CARNMT1: variants seen among roughly 807,000 people sequenced by gnomAD.
CARNMT1 encodes protein-L-histidine N-pros-methyltransferase CARNMT1.
Under a neutral mutation model 49.6 loss-of-function variants are expected in CARNMT1, and 28 were observed. The observed-to-expected ratio is 0.56, with a 90% CI of 0.42 to 0.77. The LOEUF is 0.77. Among genes scored for constraint, CARNMT1 ranks in the 30% least tolerant of loss-of-function variants. The pLI is 0.00. For synonymous variants in CARNMT1, 178 were observed against 175.0 expected (o/e 1.02, Z -0.13); for missense variants, 421 against 512.6 (o/e 0.82, Z 1.73).
At chr9:74,993,756 A>G (rs1833103227) in intron 6 of CARNMT1, among the ~76,000 whole-genome samples, 1 of 152,152 alleles carries the variant, frequency 6.6e-6, no homozygotes, top group Non-Finnish European at 1.5e-5. Flanking sequence ...ATCCTACACT[A>G]TACAGGTCAG....
chr9:75,028,064 T>TCTCCTC lies in CARNMT1; in HGVS notation c.172_177dup (p.Glu58_Glu59dup). On this transcript the variant is annotated inframe_insertion, in exon 1 of 8. Transcript: ENST00000376834. ...TTCCAGAAGTGCTCACGCTCAAGCC[T>TCTCCTC]CTCCTCCTCCTCCTCGGTGCTGCGC... 6.3e-7 allele frequency: 1 copy of TCTCCTC among 1,577,702 alleles called. No homozygotes were observed. Among genetic ancestry groups the TCTCCTC allele is most frequent in the Non-Finnish European group, 8.6e-7 (1 of 1,164,332 alleles).
intron 7 of CARNMT1, among the ~76,000 whole-genome samples, chr9:74,984,228 A>G (rs1374592847): frequency 6.6e-6 from 1 of 152,150 alleles, no homozygotes; most frequent in Non-Finnish European, 1.5e-5. Flanking sequence ...AGTAATGCAC[A>G]TGATTAAAAA....
intron 3 of CARNMT1, among the ~76,000 whole-genome samples, chr9:75,002,706 T>C (rs1414703242): frequency 6.6e-6 from 1 of 152,172 alleles, no homozygotes. Context: ...AAAGCAAATA[T>C]GGCAAAATGT....
intron 3 of CARNMT1, among the ~76,000 whole-genome samples, chr9:75,006,683 T>C (rs1202899857): frequency 6.6e-6 from 1 of 152,196 alleles, no homozygotes. Context: ...GAAAGGAGAC[T>C]ATATATCCCT....
intron 5 of CARNMT1, among the ~76,000 whole-genome samples, chr9:74,997,947 GA>G (rs1396260171): frequency 6.6e-6 from 1 of 151,970 alleles, no homozygotes; most frequent in Non-Finnish European, 1.5e-5. Context: ...TGATCTTGCT[GA>G]ACCCTCGGTA....
intron 7 of CARNMT1, 121 bp from the exon 8 acceptor site, chr9:74,983,989 A>G (rs1003892230): frequency 9.5e-6 from 5 of 524,386 alleles, no homozygotes; most frequent in Non-Finnish European, 1.3e-5. Context: ...TATTACATAC[A>G]ACTACCCCCA....
At position 75,008,569 on chromosome 9, in the gene CARNMT1, G is replaced by C. The variant is rs57715502; in HGVS notation, c.590+7699C>G. On this transcript the variant is annotated intron_variant, in intron 3 of 7. Transcript: ENST00000376834. ...GATCCACCTGCCTCGGCCCCCCAAA[G>C]TGCTGGGATTACAGGCATGAGCCAC... is the stretch of plus-strand genomic sequence containing the variant. 8.7e-3 allele frequency among the ~76,000 whole-genome samples: 1,322 copies of C among 152,228 alleles called. 21 individuals carry two copies. The highest frequency in any genetic ancestry group is 0.029 in the African/African-American group (1,207 of 41,538).
chr9:75,016,454 T>C, intron 2 of CARNMT1, 23 bp from the exon 3 acceptor site: 2 of 1,611,590 alleles, frequency 1.2e-6, no homozygotes, highest in Non-Finnish European at 1.7e-6. Flanking sequence ...CAGACATCAA[T>C]TAGCTTCTGA....
intron 5 of CARNMT1, among the ~76,000 whole-genome samples, chr9:74,997,015 T>C (rs1302853845): frequency 6.6e-6 from 1 of 152,092 alleles, no homozygotes; most frequent in Non-Finnish European, 1.5e-5. Flanking sequence ...CTTCAACATC[T>C]ACCACAACTT....
chr9:75,011,932 AGGTGAAAACACAGCCCG>A (rs1287340049), intron 3 of CARNMT1, among the ~76,000 whole-genome samples: 2 of 152,230 alleles, frequency 1.3e-5, no homozygotes, highest in Non-Finnish European at 2.9e-5. Context: ...TCAAGTCTCC[AGGTGAAAACACAGCCCG>A]GCAGACACGT....
chr9:74,987,986 A>G (rs1168959213), intron 6 of CARNMT1, among the ~76,000 whole-genome samples: 7 of 152,190 alleles, frequency 4.6e-5, no homozygotes, highest in Admixed American at 3.9e-4. Flanking sequence ...CACTGGATAT[A>G]TATGAAGATG....
intron 2 of CARNMT1, chr9:75,016,783 G>T: frequency 3.8e-6 from 1 of 265,182 alleles, no homozygotes. Context: ...GGCTCACACT[G>T]GAGTGGCCCA....
intron 1 of CARNMT1, among the ~76,000 whole-genome samples, chr9:75,026,229 A>T (rs1822524414): frequency 6.6e-6 from 1 of 152,218 alleles, no homozygotes; most frequent in Non-Finnish European, 1.5e-5. Context: ...CACAACCACT[A>T]GAATATTCAC....
At chr9:74,991,696 G>A (rs1210230437) in intron 6 of CARNMT1, 1 of 152,094 alleles carries the variant, frequency 6.6e-6, no homozygotes, top group Admixed American at 6.6e-5. Context: ...GATTATAGAG[G>A]AGTCAACTGT....
Position 74,999,797 on chromosome 9 carries a change from C to T in CARNMT1, c.664G>A (p.Gly222Ser), listed in dbSNP as rs1268485467. 6.2e-7 allele frequency: 1 copy of T among 1,612,504 alleles called. No individual in the cohort carries two copies. The highest frequency in any genetic ancestry group is 8.5e-7 in the Non-Finnish European group (1 of 1,179,202). The change falls in exon 4 of 8, where the codon GGT becomes AGT. Residue 222 changes from glycine to serine, a missense_variant. Coordinates refer to ENST00000376834, the MANE Select transcript of CARNMT1 (RefSeq NM_152420.3). The part of the protein sequence containing the change: ...GRLAWEIAML[G>S]YACQGNEWSF... ...CATTCATTTCCTTGACAAGCATAAC[C>T]TAGCATAGCTATTTCCCAGGCCAGT...
At position 75,016,254 on chromosome 9, in the gene CARNMT1, G is replaced by A. The variant is rs1833846068; in HGVS notation, c.590+14C>T. The A allele has an allele frequency of 6.3e-7, 1 of 1,587,298 alleles. No homozygotes were observed. Among genetic ancestry groups the A allele is most frequent in the Non-Finnish European group, 8.6e-7 (1 of 1,161,096 alleles). On this transcript the variant is annotated intron_variant, in intron 3 of 7. Coordinates refer to ENST00000376834, the MANE Select transcript of CARNMT1 (RefSeq NM_152420.3). ...ACACTTTAAAAACTTGGTTAAAAAT[G>A]AGGTACTATTTACCATCTCTCTTTT...
At chr9:75,005,864 AC>A (rs1833493607) in intron 3 of CARNMT1, among the ~76,000 whole-genome samples, 3 of 150,258 alleles carry the variant, frequency 2.0e-5, no homozygotes, top group Non-Finnish European at 2.9e-5. Context: ...ACACACACAC[AC>A]ACACACACAA....
At chr9:75,004,250 C>G (rs1833441646) in intron 3 of CARNMT1, among the ~76,000 whole-genome samples, 1 of 152,244 alleles carries the variant, frequency 6.6e-6, no homozygotes, top group Non-Finnish European at 1.5e-5. Flanking sequence ...CTTCCACCAG[C>G]AACATATTTA....
chr9:74,995,560 A>T (rs1018247503), intron 6 of CARNMT1, among the ~76,000 whole-genome samples: 4 of 152,158 alleles, frequency 2.6e-5, no homozygotes, highest in African/African-American at 9.7e-5. Flanking sequence ...AAGTTTGCAA[A>T]AGACTTACTA....
Sources: gnomAD v4.1 joint callset for allele counts (sites outside exome capture counted in the v4.1 genomes callset) on GRCh38, gnomAD v4.1.1 for gene constraint, MANE v1.5 for transcripts, NCBI Gene and HGNC (gene_info 2026-07-23, HGNC 2026-07-21) for gene names.